Variants in CDH18 observed in about 807,000 individuals in gnomAD.
CDH18 encodes cadherin-18.
CDH18 carries 31 observed loss-of-function variants against 67.9 expected under a neutral mutation model. The ratio of observed to expected loss-of-function variants is 0.46; its 90% CI spans 0.34 to 0.62. The LOEUF (loss-of-function observed/expected upper bound fraction) is 0.62, where lower values mean the gene tolerates loss of function less well. CDH18 is among the 20% of genes least tolerant of loss of function. The pLI is 0.01. For synonymous variants in CDH18, 362 were observed against 347.2 expected (o/e 1.04, Z -0.48); for missense variants, 890 against 975.5 (o/e 0.91, Z 1.17).
At chr5:19,960,584 T>TATATATATATACACACAC (rs1561635424) in intron 2 of CDH18, among the ~76,000 whole-genome samples, 20 of 123,458 alleles carry the variant, frequency 1.6e-4, no homozygotes, top group African/African-American at 6.7e-4. Context: ...TGTGTGTGTG[T>TATATATATATACACACAC]GTGTGTATAT....
intron 5 of CDH18, among the ~76,000 whole-genome samples, chr5:19,711,961 G>T (rs1764760606): frequency 6.6e-6 from 1 of 151,996 alleles, no homozygotes; most frequent in African/African-American, 2.4e-5. Context: ...TATACACTGT[G>T]GAATATTACT....
chr5:19,725,290 C>T (rs574829672), intron 4 of CDH18, among the ~76,000 whole-genome samples: 1 of 152,156 alleles, frequency 6.6e-6, no homozygotes, highest in Non-Finnish European at 1.5e-5. Context: ...AAGCCTCCAA[C>T]TTATTCAGAG....
intron 7 of CDH18, among the ~76,000 whole-genome samples, chr5:19,576,119 G>A (rs1333525357): frequency 6.6e-6 from 1 of 152,050 alleles, no homozygotes; most frequent in East Asian, 1.9e-4. Context: ...TAAAGACAAT[G>A]TAAGACCTAA....
At chr5:20,403,196 T>C (rs1210105581) in intron 1 of CDH18, among the ~76,000 whole-genome samples, 1 of 152,136 alleles carries the variant, frequency 6.6e-6, no homozygotes, top group Non-Finnish European at 1.5e-5. Flanking sequence ...AATGGTAAAT[T>C]ATTTCTAGAA....
chr5:20,044,031 A>G (rs892767233), intron 2 of CDH18, among the ~76,000 whole-genome samples: 2 of 152,246 alleles, frequency 1.3e-5, no homozygotes, highest in African/African-American at 2.4e-5. Context: ...GAAGGGAGTG[A>G]CAAACAGACT....
intron 8 of CDH18, among the ~76,000 whole-genome samples, chr5:19,548,284 G>A (rs1214857593): frequency 1.5e-5 from 2 of 136,670 alleles, no homozygotes; most frequent in African/African-American, 5.3e-5. Context: ...CATAAAACCC[G>A]TGGAATTGGG....
At chr5:19,872,225 T>G (rs1222844643) in intron 2 of CDH18, among the ~76,000 whole-genome samples, 3 of 152,174 alleles carry the variant, frequency 2.0e-5, no homozygotes, top group African/African-American at 7.2e-5. Context: ...TGAAATGTAT[T>G]CAGGTAGAGA....
At chr5:20,465,480 G>T (rs1396633411) in intron 1 of CDH18, among the ~76,000 whole-genome samples, 1 of 110,916 alleles carries the variant, frequency 9.0e-6, no homozygotes, top group African/African-American at 3.3e-5. Flanking sequence ...CTTATAAAAA[G>T]TTGAAATTTA....
At chr5:20,029,149 C>T (rs186371454) in intron 2 of CDH18, among the ~76,000 whole-genome samples, 119 of 152,198 alleles carry the variant, frequency 7.8e-4, no homozygotes, top group South Asian at 2.7e-3. Context: ...TTATCCACAG[C>T]ATTTAAACAT....
At chr5:20,414,931 T>C (rs1351567464) in intron 1 of CDH18, among the ~76,000 whole-genome samples, 1 of 151,788 alleles carries the variant, frequency 6.6e-6, no homozygotes, top group Non-Finnish European at 1.5e-5. Context: ...AGCATAGAGG[T>C]TTCTCAAAAA....
chr5:19,831,142 A>T (rs544239517), intron 3 of CDH18, among the ~76,000 whole-genome samples: 1 of 152,208 alleles, frequency 6.6e-6, no homozygotes, highest in East Asian at 1.9e-4. Context: ...TGTGACACAC[A>T]ATTTACCTAT....
chr5:20,494,836 G>A (rs546772021), intron 1 of CDH18, among the ~76,000 whole-genome samples: 3 of 152,204 alleles, frequency 2.0e-5, no homozygotes, highest in East Asian at 1.9e-4. Flanking sequence ...CCAAGAAGTA[G>A]CGGAGGAAAG....
chr5:20,384,595 C>A (rs1399845722), intron 1 of CDH18, among the ~76,000 whole-genome samples: 1 of 152,202 alleles, frequency 6.6e-6, no homozygotes, highest in South Asian at 2.1e-4. Context: ...CTTTTGAATA[C>A]ACCCATAAGT....
chr5:19,725,527 T>C (rs2150599378), intron 4 of CDH18, among the ~76,000 whole-genome samples: 1 of 152,094 alleles, frequency 6.6e-6, no homozygotes, highest in Middle Eastern at 3.4e-3. Context: ...CCCAGCAATT[T>C]GGGAGGCCGA....
At chr5:19,688,758 CAA>C (rs1400863732) in intron 5 of CDH18, among the ~76,000 whole-genome samples, 1 of 151,616 alleles carries the variant, frequency 6.6e-6, no homozygotes, top group Non-Finnish European at 1.5e-5. Flanking sequence ...TCCATGAAAA[CAA>C]AAAGACACAG....
chr5:19,478,150 T>C (rs1296577745), intron 12 of CDH18, among the ~76,000 whole-genome samples: 6 of 152,194 alleles, frequency 3.9e-5, no homozygotes, highest in African/African-American at 1.4e-4. Flanking sequence ...ATATATTATG[T>C]ATCATTCCAG....
intron 2 of CDH18, among the ~76,000 whole-genome samples, chr5:20,002,467 A>C (rs2150402472): frequency 6.6e-6 from 1 of 152,314 alleles, no homozygotes. Context: ...CTGGAAGATA[A>C]GTTGTACTAA....
chr5:19,872,791 G>A (rs759423149), intron 2 of CDH18, among the ~76,000 whole-genome samples: 6 of 152,114 alleles, frequency 3.9e-5, no homozygotes, highest in Admixed American at 1.3e-4. Context: ...ACGGTAATTT[G>A]TTACACAAAA....
At chr5:19,931,287 T>A (rs1793664820) in intron 2 of CDH18, among the ~76,000 whole-genome samples, 1 of 152,008 alleles carries the variant, frequency 6.6e-6, no homozygotes, top group South Asian at 2.1e-4. Flanking sequence ...GTCAAAATAG[T>A]GTCAACTTAG....
Sources: gnomAD v4.1 joint callset for allele counts (sites outside exome capture counted in the v4.1 genomes callset) on GRCh38, gnomAD v4.1.1 for gene constraint, MANE v1.5 for transcripts, NCBI Gene and HGNC (gene_info 2026-07-23, HGNC 2026-07-21) for gene names.